Variants in CYRIB observed in about 807,000 individuals in gnomAD.
CYRIB encodes the protein CYFIP related Rac1 interactor B, also known as CYFIP-related Rac1 interactor B.
Under a neutral mutation model 44.2 loss-of-function variants are expected in CYRIB, and 8 were observed. The ratio of observed to expected loss-of-function variants is 0.18; its 90% CI spans 0.11 to 0.33. The LOEUF (loss-of-function observed/expected upper bound fraction) is 0.33, where lower values mean the gene tolerates loss of function less well. Among genes scored for constraint, CYRIB ranks in the 10% least tolerant of loss-of-function variants. CYRIB has a pLI of 1.00. For synonymous variants in CYRIB, 131 were observed against 127.2 expected (o/e 1.03, Z -0.20); for missense variants, 185 against 382.8 (o/e 0.48, Z 4.31).
At chr8:129,910,352 G>T (rs976030576) in intron 1 of CYRIB, among the ~76,000 whole-genome samples, 1 of 152,004 alleles carries the variant, frequency 6.6e-6, no homozygotes, top group African/African-American at 2.4e-5. Flanking sequence ...AAATGTTTAG[G>T]ATACATCAAG....
At chr8:129,879,965 T>C (rs748789669) in intron 2 of CYRIB, among the ~76,000 whole-genome samples, 5 of 152,186 alleles carry the variant, frequency 3.3e-5, no homozygotes, top group Admixed American at 1.3e-4. Context: ...AAAGCATATA[T>C]TTCTAACCAA....
chr8:130,013,347 A>G (rs2097268221), intron 1 of CYRIB, among the ~76,000 whole-genome samples: 1 of 152,186 alleles, frequency 6.6e-6, no homozygotes, highest in African/African-American at 2.4e-5. Flanking sequence ...AAGAAAACCA[A>G]GGCATGAATT....
intron 1 of CYRIB, among the ~76,000 whole-genome samples, chr8:129,927,597 C>G (rs914413297): frequency 6.6e-6 from 1 of 152,170 alleles, no homozygotes; most frequent in Non-Finnish European, 1.5e-5. Context: ...GTGTAGTCAT[C>G]TAACATATAT....
intron 5 of CYRIB, among the ~76,000 whole-genome samples, chr8:129,858,848 G>T (rs910996321): frequency 3.3e-4 from 51 of 152,310 alleles, no homozygotes; most frequent in Non-Finnish European, 8.8e-5. Flanking sequence ...GCCTCAACAG[G>T]AGGGGCTCCA....
At chr8:130,009,428 C>T (rs2097173351) in intron 1 of CYRIB, among the ~76,000 whole-genome samples, 1 of 152,036 alleles carries the variant, frequency 6.6e-6, no homozygotes, top group Non-Finnish European at 1.5e-5. Context: ...CCAACACGCC[C>T]AGCTAATTTT....
chr8:129,902,450 C>T (rs1230041925), intron 2 of CYRIB, among the ~76,000 whole-genome samples: 1 of 152,124 alleles, frequency 6.6e-6, no homozygotes, highest in Non-Finnish European at 1.5e-5. Context: ...GAACTCCTGA[C>T]CTCAGGTGAT....
intron 1 of CYRIB, among the ~76,000 whole-genome samples, chr8:129,921,622 C>T (rs2083647548): frequency 6.6e-6 from 1 of 152,160 alleles, no homozygotes; most frequent in Admixed American, 6.5e-5. Context: ...GTTGCCCAGG[C>T]TGGTTGACAC....
At chr8:129,861,289 T>TG (rs2049373130) in intron 5 of CYRIB, among the ~76,000 whole-genome samples, 1 of 152,144 alleles carries the variant, frequency 6.6e-6, no homozygotes, top group Non-Finnish European at 1.5e-5. Context: ...CCTCCTCCAA[T>TG]AAAGGGAGTT....
intron 2 of CYRIB, among the ~76,000 whole-genome samples, chr8:129,898,758 A>C (rs1261731355): frequency 6.6e-6 from 1 of 152,254 alleles, no homozygotes; most frequent in East Asian, 1.9e-4. Flanking sequence ...CTACATTAAT[A>C]AATCAGTATC....
chr8:130,004,152 C>T (rs1330959979), intron 1 of CYRIB, among the ~76,000 whole-genome samples: 4 of 152,228 alleles, frequency 2.6e-5, no homozygotes, highest in African/African-American at 4.8e-5. Context: ...GAGAGACCCT[C>T]GGATAATCAC....
intron 2 of CYRIB, among the ~76,000 whole-genome samples, chr8:129,889,186 G>T (rs370360563): frequency 6.6e-6 from 1 of 152,140 alleles, no homozygotes; most frequent in African/African-American, 2.4e-5. Flanking sequence ...CTAGATGACA[G>T]CATATCTGTT....
intron 5 of CYRIB, among the ~76,000 whole-genome samples, chr8:129,861,885 G>A (rs150881978): frequency 3.0e-4 from 46 of 152,174 alleles, no homozygotes; most frequent in African/African-American, 1.0e-3. Flanking sequence ...TCTCTCCATC[G>A]CTACAGTAAG....
chr8:129,883,226 G>A (rs1446619810), intron 2 of CYRIB, among the ~76,000 whole-genome samples: 1 of 149,920 alleles, frequency 6.7e-6, no homozygotes, highest in African/African-American at 2.5e-5. Flanking sequence ...TGTTATTGGA[G>A]TCTGTCTCAC....
chr8:129,936,519 A>C (rs184214202), intron 1 of CYRIB, among the ~76,000 whole-genome samples: 8 of 152,316 alleles, frequency 5.3e-5, no homozygotes, highest in Admixed American at 5.2e-4. Flanking sequence ...ATAATTGTAG[A>C]AACTCTAAAT....
chr8:129,870,464 C>T (rs2056698488), intron 4 of CYRIB, among the ~76,000 whole-genome samples: 3 of 152,216 alleles, frequency 2.0e-5, no homozygotes, highest in South Asian at 4.1e-4. Flanking sequence ...TTGCCCTAAA[C>T]ATTTGGTCAA....
At chr8:130,016,540 A>T, upstream of CYRIB, 1 of 156,768 alleles carries the variant, frequency 6.4e-6, no homozygotes, top group Non-Finnish European at 1.4e-5. Context: ...AGCCCGGGCG[A>T]GTGCCAGGCG....
intron 2 of CYRIB, among the ~76,000 whole-genome samples, chr8:129,898,266 T>C (rs901700760): frequency 6.6e-6 from 1 of 152,098 alleles, no homozygotes; most frequent in Admixed American, 6.6e-5. Flanking sequence ...AATGAACGTT[T>C]ATTGTGGCAC....
chr8:129,894,323 T>G (rs1216669663), intron 2 of CYRIB, among the ~76,000 whole-genome samples: 1 of 152,266 alleles, frequency 6.6e-6, no homozygotes, highest in Non-Finnish European at 1.5e-5. Context: ...GTTTAATTTT[T>G]AGAGTCTGAA....
chr8:129,941,427 C>T (rs909855169), upstream of CYRIB, among the ~76,000 whole-genome samples: 1 of 151,912 alleles, frequency 6.6e-6, no homozygotes, highest in African/African-American at 2.4e-5. Flanking sequence ...GTGCACACCA[C>T]CATGCCTGGC....
Sources: allele counts gnomAD v4.1 joint callset (sites outside exome capture counted in the v4.1 genomes callset), GRCh38; gene constraint gnomAD v4.1.1; transcripts MANE v1.5; gene names NCBI Gene and HGNC (gene_info 2026-07-23, HGNC 2026-07-21).